The following MELK variants were observed in gnomAD, a reference collection of about 807,000 sequenced individuals.
MELK encodes the protein pEg3 kinase.
In MELK, 81 loss-of-function variants were observed where a neutral mutation model predicts 85.0. The ratio of observed to expected loss-of-function variants is 0.95; its 90% CI spans 0.80 to 1.15. The LOEUF is 1.15. MELK is among the 50% of genes most tolerant of loss of function. MELK has a pLI of 0.00. For missense variants in MELK, 754 were observed against 777.5 expected, an observed-to-expected ratio of 0.97 and a Z score of 0.36; for synonymous variants, 252 against 265.0, an observed-to-expected ratio of 0.95 and a Z score of 0.48.
At chr9:36,608,871 C>T (rs1825819617) in intron 8 of MELK, among the ~76,000 whole-genome samples, 1 of 152,214 alleles carries the variant, frequency 6.6e-6, no homozygotes, top group Non-Finnish European at 1.5e-5. Context: ...GCATGAGCCA[C>T]CGCACCCGGC....
chr9:36,628,887 G>A (rs1383718725), intron 8 of MELK, among the ~76,000 whole-genome samples: 4 of 132,578 alleles, frequency 3.0e-5, no homozygotes, highest in South Asian at 2.3e-4. Flanking sequence ...TTTTTGAGAC[G>A]GAGTCTCGTT....
At chr9:36,621,416 A>G (rs1194651074) in intron 8 of MELK, among the ~76,000 whole-genome samples, 6 of 128,776 alleles carry the variant, frequency 4.7e-5, no homozygotes, top group Non-Finnish European at 7.6e-5. Context: ...AGACTTACCC[A>G]CAAAGATAAG....
intron 14 of MELK, among the ~76,000 whole-genome samples, chr9:36,667,314 C>T (rs1832477875): frequency 6.6e-6 from 1 of 152,064 alleles, no homozygotes; most frequent in Non-Finnish European, 1.5e-5. Flanking sequence ...TGCTACCACG[C>T]TCAGCTAATT....
intron 1 of MELK, among the ~76,000 whole-genome samples, chr9:36,575,653 A>T (rs998285230): frequency 6.6e-6 from 1 of 152,216 alleles, no homozygotes; most frequent in African/African-American, 2.4e-5. Context: ...GTTGTTAAAT[A>T]AACAACTTGC....
At chr9:36,667,312 C>A (rs542161740) in intron 14 of MELK, among the ~76,000 whole-genome samples, 1 of 151,902 alleles carries the variant, frequency 6.6e-6, no homozygotes, top group African/African-American at 2.4e-5. Context: ...CCTGCTACCA[C>A]GCTCAGCTAA....
chr9:36,661,008 A>G (rs1831755489), intron 13 of MELK, among the ~76,000 whole-genome samples: 1 of 152,254 alleles, frequency 6.6e-6, no homozygotes, highest in East Asian at 1.9e-4. Flanking sequence ...AAAACAAACA[A>G]AGAATAAAAA....
rs760671037 is a variant in MELK, at chr9:36,651,743, T to A, written c.922-3T>A. 4 of 1,609,740 alleles carry A rather than the reference T, an allele frequency of 2.5e-6. No homozygotes were observed. The highest frequency in any genetic ancestry group is 3.4e-6 in the Non-Finnish European group (4 of 1,177,962). ...TAACCAACTTGATTTTCTTTTCCTT[T>A]AGTGGCAGTATGATCACCTCACGGC... On this transcript the variant is annotated splice_polypyrimidine_tract_variant and splice_region_variant and intron_variant, in intron 11 of 17. Coordinates refer to ENST00000298048, the MANE Select transcript of MELK (RefSeq NM_014791.4).
Position 36,616,823 on chromosome 9 carries a change from G to GT in MELK, c.666+9170dup, listed in dbSNP as rs11325318. ...TTCTCTTTCTGCTACCCCCTTCCCA[G>GT]TTTTTTTTTTTTTTTTTTTTACACA... On this transcript the variant is annotated intron_variant, in intron 8 of 17. Coordinates refer to ENST00000298048, the MANE Select transcript of MELK (RefSeq NM_014791.4). 5.7e-3 allele frequency among the ~76,000 whole-genome samples: 705 copies of GT among 123,996 alleles called. 2 individuals carry two copies. Among genetic ancestry groups the GT allele is most frequent in the Non-Finnish European group, 8.5e-3 (499 of 59,014 alleles). The allele number at this position is 123,996 out of a possible 152,430, so 81.3% of individuals were successfully genotyped here.
chr9:36,580,038 CTTTTTTTTTTTT>C (rs58166111), intron 1 of MELK, among the ~76,000 whole-genome samples: 4 of 117,946 alleles, frequency 3.4e-5, no homozygotes, highest in South Asian at 5.6e-4. Context: ...TTCATGTCTT[CTTTTTTTTTTTT>C]TTTTTTTTTT....
intron 1 of MELK, among the ~76,000 whole-genome samples, chr9:36,575,022 G>C (rs1230060659): frequency 6.6e-6 from 1 of 152,124 alleles, no homozygotes; most frequent in African/African-American, 2.4e-5. Context: ...TGTAATCCCA[G>C]CTACTTGGGA....
At chr9:36,638,807 A>G (rs1276463252) in intron 10 of MELK, among the ~76,000 whole-genome samples, 1 of 152,192 alleles carries the variant, frequency 6.6e-6, no homozygotes, top group African/African-American at 2.4e-5. Flanking sequence ...AGAAGGTACT[A>G]TTATTGCCCC....
chr9:36,588,534 C>T (rs963631698), intron 3 of MELK, among the ~76,000 whole-genome samples: 2 of 151,862 alleles, frequency 1.3e-5, no homozygotes, highest in African/African-American at 4.8e-5. Flanking sequence ...CATGCGGCAC[C>T]ATGCCTGGCT....
intron 12 of MELK, among the ~76,000 whole-genome samples, chr9:36,653,478 A>G (rs1830913532): frequency 6.6e-6 from 1 of 152,186 alleles, no homozygotes; most frequent in Non-Finnish European, 1.5e-5. Flanking sequence ...GAAGAAGCTT[A>G]CATACATAGA....
chr9:36,609,177 A>G (rs1825852115), intron 8 of MELK, among the ~76,000 whole-genome samples: 1 of 152,164 alleles, frequency 6.6e-6, no homozygotes, highest in Non-Finnish European at 1.5e-5. Flanking sequence ...TGGGATGATG[A>G]AAACATTCTG....
intron 8 of MELK, among the ~76,000 whole-genome samples, chr9:36,625,313 C>T (rs969235572): frequency 2.2e-4 from 34 of 152,124 alleles, no homozygotes; most frequent in African/African-American, 7.5e-4. Context: ...TATTTGAGAC[C>T]GGGCAAATAA....
At chr9:36,604,268 CTTTTTTTTTTTTT>C (rs10598117) in intron 7 of MELK, among the ~76,000 whole-genome samples, 1 of 33,750 alleles carries the variant, frequency 3.0e-5, no homozygotes, top group African/African-American at 1.3e-4. Context: ...CGCGCCCGGG[CTTTTTTTTTTTTT>C]TTTTTTTTTT....
intron 12 of MELK, among the ~76,000 whole-genome samples, chr9:36,656,251 C>A (rs1040684425): frequency 6.6e-6 from 1 of 152,144 alleles, no homozygotes; most frequent in Non-Finnish European, 1.5e-5. Flanking sequence ...ACCTATATTT[C>A]GAAGTTGTTT....
chr9:36,598,202 T>C (rs1487161659), intron 6 of MELK, among the ~76,000 whole-genome samples: 1 of 152,050 alleles, frequency 6.6e-6, no homozygotes, highest in Non-Finnish European at 1.5e-5. Context: ...TTTTTTTTTT[T>C]TGATTGACAA....
chr9:36,641,694 G>A (rs1012457791), intron 10 of MELK, among the ~76,000 whole-genome samples: 1 of 143,026 alleles, frequency 7.0e-6, no homozygotes, highest in African/African-American at 2.6e-5. Context: ...CACAACCTCC[G>A]CCTCCTGTGT....
Sources: gnomAD v4.1 joint callset for allele counts (sites outside exome capture counted in the v4.1 genomes callset) on GRCh38, gnomAD v4.1.1 for gene constraint, MANE v1.5 for transcripts, NCBI Gene and HGNC (gene_info 2026-07-23, HGNC 2026-07-21) for gene names.